The following TRIM66 variants were observed in gnomAD, a reference collection of about 807,000 sequenced individuals.
TRIM66 encodes the protein tripartite motif-containing protein 66.
Under a neutral mutation model 148.2 loss-of-function variants are expected in TRIM66, and 99 were observed. That is an observed-to-expected ratio of 0.67 (90% CI 0.57 to 0.79). TRIM66 has a LOEUF of 0.79. Among genes scored for constraint, TRIM66 ranks in the 30% least tolerant of loss-of-function variants. The pLI, the probability that TRIM66 is intolerant of heterozygous loss-of-function variation, is 0.00. For missense variants in TRIM66, 1,666 were observed against 1,697.9 expected, an observed-to-expected ratio of 0.98 and a Z score of 0.33; for synonymous variants, 616 against 635.9, an observed-to-expected ratio of 0.97 and a Z score of 0.47.
chr11:8,619,085 A>G (rs958447032), intron 23 of TRIM66, 117 bp from the exon 24 acceptor site: 1 of 964,834 alleles, frequency 1.0e-6, no homozygotes, highest in African/African-American at 1.6e-5. Context: ...GGTGTCTGGA[A>G]CTTGACATTT....
intron 14 of TRIM66, among the ~76,000 whole-genome samples, chr11:8,639,389 TC>T (rs1473366817): frequency 6.6e-6 from 1 of 151,798 alleles, no homozygotes; most frequent in Non-Finnish European, 1.5e-5. Context: ...AAAAAGAAAA[TC>T]AAGAGCTAAG....
intron 20 of TRIM66, 128 bp from the exon 21 acceptor site, chr11:8,620,700 A>G: frequency 7.1e-7 from 1 of 1,407,338 alleles, no homozygotes; most frequent in Non-Finnish European, 9.4e-7. Context: ...ATGGCTTTCT[A>G]GCCACAGGCT....
At position 8,618,889 on chromosome 11, in the gene TRIM66, T is replaced by C; in HGVS notation, c.3980A>G (p.Lys1327Arg). 1 of 1,551,362 alleles carries C rather than the reference T, an allele frequency of 6.4e-7. No individual in the cohort carries two copies. The highest frequency in any genetic ancestry group is 8.7e-7 in the Non-Finnish European group (1 of 1,146,950). The change falls in exon 24 of 25, where the codon AAA (lysine) becomes AGA (arginine). Residue 1327 changes from lysine (K) to arginine (R), a missense_variant. Physicochemically the swap from Lys to Arg is conservative, Grantham distance 26. Transcript: ENST00000646038. ...EGWLKEIYPE[K>R]RFAQPRQEDS... The stretch of plus-strand genomic sequence containing the variant: ...CTCCTGCCTTGGCTGGGCAAACCGT[T>C]TCTCCGGGTAGATCTCCTTCAACCA...
intron 14 of TRIM66, among the ~76,000 whole-genome samples, chr11:8,639,984 A>G (rs951767438): frequency 1.3e-5 from 2 of 152,156 alleles, no homozygotes; most frequent in Non-Finnish European, 2.9e-5. Context: ...GACAGGGCTA[A>G]GCCAAGCTAC....
At chr11:8,619,966 A>C (rs1412525556) in intron 22 of TRIM66, 84 bp downstream of exon 22, 1 of 1,205,986 alleles carries the variant, frequency 8.3e-7, no homozygotes, top group Non-Finnish European at 1.2e-6. Context: ...CTAGAAAAAC[A>C]GGGGTTAGGG....
intron 4 of TRIM66, 124 bp from the exon 5 acceptor site, chr11:8,672,509 C>A: frequency 9.1e-7 from 1 of 1,093,390 alleles, no homozygotes. Context: ...CCAAGAGGGA[C>A]AGGCTGAGGA....
intron 6 of TRIM66, among the ~76,000 whole-genome samples, chr11:8,667,620 A>C (rs577598928): frequency 3.9e-5 from 6 of 152,322 alleles, no homozygotes; most frequent in African/African-American, 1.4e-4. Flanking sequence ...TATCTCTACG[A>C]AGCTGACTAC....
chr11:8,624,687 T>C (rs2034639630), intron 16 of TRIM66, 26 bp downstream of exon 16: 2 of 1,481,664 alleles, frequency 1.3e-6, no homozygotes, highest in African/African-American at 1.4e-5. Flanking sequence ...CAAAGGAAGT[T>C]TGGATAGCAT....
chr11:8,621,035 G>A lies in TRIM66; in HGVS notation c.3542C>T (p.Pro1181Leu), dbSNP rs1333262876. 2 of 1,551,240 alleles carry A rather than the reference G, an allele frequency of 1.3e-6. No individual in the cohort carries two copies. Among genetic ancestry groups the A allele is most frequent in the Admixed American group, 2.0e-5 (1 of 50,988 alleles). ...SCHVPALLSF[P>L]GGEWVCTLCR... ...GTCCTGGACTGGCATGACTCACCCT[G>A]GGAAGCTGAGCAAGGCTGGCACATG... Residue 1181 changes from proline to leucine, a missense_variant, in exon 20 of 25, where the codon CCA becomes CTA. Physicochemically the swap from Pro to Leu is moderately conservative, Grantham distance 98. Coordinates refer to ENST00000646038, the MANE Select transcript of TRIM66 (RefSeq NM_001388022.1).
At chr11:8,678,906 A>C (rs1288586096) in intron 3 of TRIM66, among the ~76,000 whole-genome samples, 2 of 152,166 alleles carry the variant, frequency 1.3e-5, no homozygotes, top group Non-Finnish European at 1.5e-5. Context: ...TGGGGCAGCA[A>C]AAAATCAGCA....
rs1481213711 is a variant in TRIM66, at chr11:8,614,376, A to C, written c.*3568T>G. On this transcript the variant is annotated 3_prime_UTR_variant, in exon 25 of 25. Transcript: ENST00000646038. ...AAATAAATAAATAAATAAATAAATA[A>C]AGTTGAAGGGCATGAGAAAGTTCAG... The C allele has an allele frequency of 6.6e-6, 1 of 152,118 alleles. No homozygotes were observed. Among genetic ancestry groups the C allele is most frequent in the Non-Finnish European group, 1.5e-5 (1 of 68,086 alleles). 9.4% of individuals were successfully genotyped at this position (152,118 alleles called of 1,614,324 possible).
At chr11:8,672,935 C>CTA (rs774617497) in intron 4 of TRIM66, among the ~76,000 whole-genome samples, 6,556 of 129,852 alleles carry the variant, frequency 0.05, 214 homozygotes, top group Non-Finnish European at 0.068. Flanking sequence ...CTGGCCCATA[C>CTA]TCTTTTTTTT....
At chr11:8,628,794 C>T (rs1043001319) in intron 15 of TRIM66, among the ~76,000 whole-genome samples, 6 of 151,826 alleles carry the variant, frequency 4.0e-5, no homozygotes, top group African/African-American at 1.5e-4. Flanking sequence ...CTCTCATGAG[C>T]TCCTTCTCTC....
Position 8,638,569 on chromosome 11 carries a change from C to G in TRIM66, c.2310+85G>C, listed in dbSNP as rs572289234. On this transcript the variant is annotated intron_variant, in intron 15 of 24. Transcript: ENST00000646038. ...GGATGGAACAGGGACGCTCCTCCCC[C>G]CACCCTATCCTCCTCCTCCAAGTGC... The G allele has an allele frequency of 9.6e-6, 14 of 1,456,916 alleles. No individual in the cohort carries two copies. In the African/African-American group the frequency reaches 1.6e-4, roughly 17 times the overall value. The allele number at this position is 1,456,916 out of a possible 1,614,324, so 90.2% of individuals were successfully genotyped here. A position where few individuals can be genotyped will look rare whatever the true frequency, so the allele number is the denominator to read the frequency against.
intron 6 of TRIM66, among the ~76,000 whole-genome samples, chr11:8,662,777 C>T (rs1230390625): frequency 1.3e-5 from 2 of 152,192 alleles, no homozygotes; most frequent in Admixed American, 6.5e-5. Flanking sequence ...CTTTTCCTCA[C>T]ATGGGGAAGG....
intron 6 of TRIM66, among the ~76,000 whole-genome samples, chr11:8,670,643 G>A (rs750436644): frequency 6.6e-5 from 10 of 152,050 alleles, no homozygotes; most frequent in Non-Finnish European, 1.3e-4. Flanking sequence ...AACTAAGTTT[G>A]CATATTAATC....
At position 8,619,497 on chromosome 11, in the gene TRIM66, G is replaced by A. The variant is rs1220769916; in HGVS notation, c.3786C>T (p.Asp1262=). ...HYYQIIKRPM[D]LSIIRRKLQK... ...GCAGCTTCCTCCGGATGATTGACAG[G>A]TCCATGGGCCTCTTGATAATCTGGT... The change falls in exon 23 of 25, where the codon GAC becomes GAT. Residue 1262 remains aspartate (D), a synonymous_variant. Coordinates refer to ENST00000646038, the MANE Select transcript of TRIM66 (RefSeq NM_001388022.1). 6.4e-7 allele frequency: 1 copy of A among 1,551,002 alleles called. No homozygotes were observed. Among genetic ancestry groups the A allele is most frequent in the East Asian group, 2.4e-5 (1 of 40,876 alleles).
At chr11:8,675,508 G>T (rs1434069956) in intron 3 of TRIM66, among the ~76,000 whole-genome samples, 2 of 149,716 alleles carry the variant, frequency 1.3e-5, no homozygotes, top group Non-Finnish European at 3.0e-5. Context: ...TCAGCCTCCC[G>T]AGCAGCTGGG....
chr11:8,621,285 G>T lies in TRIM66; in HGVS notation c.3292C>A (p.Pro1098Thr). The T allele has an allele frequency of 6.4e-7, 1 of 1,551,634 alleles. No individual in the cohort carries two copies. The highest frequency in any genetic ancestry group is 8.7e-7 in the Non-Finnish European group (1 of 1,146,966). Reference protein sequence around the residue: ...QDRLSEATQAPGLEGRKVTVT... With the variant: ...QDRLSEATQATGLEGRKVTVT... The stretch of plus-strand genomic sequence containing the variant: ...GTGACCTTTCTTCCCTCCAGACCTG[G>T]GGCCTGGGTGGCCTCAGACAGTCTG... Residue 1098 changes from proline (P) to threonine (T), a missense_variant, in exon 20 of 25, where the codon CCA becomes ACA. Physicochemically the swap from Pro to Thr is conservative, Grantham distance 38 (BLOSUM62 -1). Around this residue, in one of 3 missense-constraint regions of TRIM66, gnomAD observed 1,431 missense variants for 1,412.4 expected, o/e 1.01. Transcript: ENST00000646038.
Sources: allele counts gnomAD v4.1 joint callset (sites outside exome capture counted in the v4.1 genomes callset), GRCh38; gene constraint gnomAD v4.1.1; regional missense constraint gnomAD v4.1.1; transcripts MANE v1.5; gene names NCBI Gene and HGNC (gene_info 2026-07-23, HGNC 2026-07-21).